CCSER1: variants seen among roughly 807,000 people sequenced by gnomAD.
CCSER1 encodes the protein serine-rich coiled-coil domain-containing protein 1.
Under a neutral mutation model 82.0 loss-of-function variants are expected in CCSER1, and 41 were observed. That is an observed-to-expected ratio of 0.50 (90% confidence interval 0.39 to 0.65). The LOEUF is 0.65. Ranked by LOEUF, CCSER1 falls within the 30% of genes least tolerant of loss-of-function variation. The pLI is 0.00. For synonymous variants in CCSER1, 414 were observed against 383.9 expected (o/e 1.08, Z -0.92); for missense variants, 1,119 against 1,064.2 (o/e 1.05, Z -0.72).
intron 10 of CCSER1, among the ~76,000 whole-genome samples, chr4:91,444,494 G>C (rs981622289): frequency 6.6e-6 from 1 of 151,194 alleles, no homozygotes; most frequent in African/African-American, 2.4e-5. Flanking sequence ...CTATCACCCA[G>C]GCTGGAGTGC....
At chr4:91,073,957 T>A (rs759135113) in intron 9 of CCSER1, among the ~76,000 whole-genome samples, 18 of 152,092 alleles carry the variant, frequency 1.2e-4, no homozygotes, top group African/African-American at 4.1e-4. Flanking sequence ...TTAAACAATA[T>A]CCTTATCATC....
chr4:91,412,076 G>A (rs1047270285), intron 10 of CCSER1, among the ~76,000 whole-genome samples: 2 of 152,040 alleles, frequency 1.3e-5, no homozygotes, highest in Non-Finnish European at 2.9e-5. Context: ...ACTTTGTAGG[G>A]GTATTGGGAT....
intron 10 of CCSER1, among the ~76,000 whole-genome samples, chr4:91,336,389 C>T (rs1345688817): frequency 6.6e-6 from 1 of 151,926 alleles, no homozygotes; most frequent in African/African-American, 2.4e-5. Context: ...CAATAAAGTC[C>T]CTTGTCTTTA....
chr4:91,003,656 G>C (rs1439676901), intron 9 of CCSER1, among the ~76,000 whole-genome samples: 1 of 152,144 alleles, frequency 6.6e-6, no homozygotes, highest in Non-Finnish European at 1.5e-5. Context: ...CCAGCTATGA[G>C]AGCAGTTAGG....
At chr4:91,552,767 A>G (rs182579430) in intron 10 of CCSER1, among the ~76,000 whole-genome samples, 1 of 149,900 alleles carries the variant, frequency 6.7e-6, no homozygotes, top group East Asian at 1.9e-4. Context: ...TAATTCTAAC[A>G]ATTTTCTTGG....
intron 10 of CCSER1, among the ~76,000 whole-genome samples, chr4:91,298,135 ATACAG>A (rs1744364244): frequency 6.6e-6 from 1 of 151,980 alleles, no homozygotes; most frequent in African/African-American, 2.4e-5. Context: ...TGATTATGAG[ATACAG>A]TAAAGGGGCT....
At chr4:90,737,202 G>A (rs1028837015) in intron 7 of CCSER1, among the ~76,000 whole-genome samples, 1 of 152,110 alleles carries the variant, frequency 6.6e-6, no homozygotes, top group African/African-American at 2.4e-5. Context: ...ACTATTGCCA[G>A]TGAGTTTTGT....
At chr4:91,349,765 C>A (rs576367732) in intron 10 of CCSER1, among the ~76,000 whole-genome samples, 32 of 142,082 alleles carry the variant, frequency 2.3e-4, no homozygotes, top group Non-Finnish European at 4.0e-4. Context: ...GTAGGAGGTA[C>A]ATTTCATGAA....
At chr4:90,454,892 A>G (rs141710538) in intron 4 of CCSER1, among the ~76,000 whole-genome samples, 317 of 152,286 alleles carry the variant, frequency 2.1e-3, no homozygotes, top group African/African-American at 7.5e-3. Context: ...TTGGACCTTA[A>G]TGAGACTATA....
At position 91,435,252 on chromosome 4, in the gene CCSER1, C is replaced by T. The variant is rs546056237; in HGVS notation, c.2218-163320C>T. ...TCCTGGAGTTTGAGACCAGCGTAGA[C>T]AAGATGATGAAACTCTGTCTCTACA... On this transcript the variant is annotated intron_variant, in intron 10 of 10. Coordinates refer to ENST00000509176, the MANE Select transcript of CCSER1 (RefSeq NM_001145065.2). Among the ~76,000 whole-genome samples, 10 of 152,102 alleles carry T rather than the reference C, an allele frequency of 6.6e-5. No homozygotes were observed. The South Asian group carries it at 2.1e-3, about 32-fold the overall frequency.
At chr4:90,785,511 A>G (rs1367560301) in intron 7 of CCSER1, among the ~76,000 whole-genome samples, 5 of 152,198 alleles carry the variant, frequency 3.3e-5, no homozygotes, top group Admixed American at 6.5e-5. Flanking sequence ...AGAAAAGTCT[A>G]TTACTTTCAA....
chr4:90,491,624 G>T (rs917056767), intron 5 of CCSER1, among the ~76,000 whole-genome samples: 4 of 152,080 alleles, frequency 2.6e-5, no homozygotes, highest in African/African-American at 9.7e-5. Context: ...TCCAGTTTTT[G>T]GCCATTCAGT....
chr4:90,815,949 C>G, intron 8 of CCSER1, 104 bp downstream of exon 8: 1 of 653,642 alleles, frequency 1.5e-6, no homozygotes, highest in African/African-American at 1.8e-5. Context: ...TTTGTAAATC[C>G]TTCCAGTGGT....
chr4:91,339,897 T>C (rs1747594659), intron 10 of CCSER1, among the ~76,000 whole-genome samples: 1 of 152,076 alleles, frequency 6.6e-6, no homozygotes, highest in Non-Finnish European at 1.5e-5. Context: ...AGCAGGCAGA[T>C]CACGAGGTCA....
At chr4:90,782,029 C>T in intron 7 of CCSER1, 1 of 781,110 alleles carries the variant, frequency 1.3e-6, no homozygotes, top group Non-Finnish European at 1.6e-6. Flanking sequence ...AGATTTAGTA[C>T]TGTGAAAGGC....
intron 1 of CCSER1, among the ~76,000 whole-genome samples, chr4:90,200,016 C>T (rs1232500554): frequency 6.6e-6 from 1 of 151,642 alleles, no homozygotes; most frequent in East Asian, 1.9e-4. Context: ...TTCCTCGATC[C>T]CCTACCCTGG....
rs1308619375 is a variant in CCSER1, at chr4:90,932,950, G to GA, written c.2172+9506dup. 6.3e-5 allele frequency among the ~76,000 whole-genome samples: 2 copies of GA among 31,970 alleles called. 1 individual carries two copies. Among genetic ancestry groups the GA allele is most frequent in the African/African-American group, 4.6e-4 (2 of 4,334 alleles). 21.0% of individuals were successfully genotyped at this position (31,970 alleles called of 152,430 possible). A position where few individuals can be genotyped will look rare whatever the true frequency, so the allele number is the denominator to read the frequency against. On this transcript the variant is annotated intron_variant, in intron 9 of 10. Coordinates refer to ENST00000509176, the MANE Select transcript of CCSER1 (RefSeq NM_001145065.2). ...AGAAAGAAAGAAAGAAAGAAAGAAA[G>GA]AAAGAAAGAAAGAAAGAAAGAAAGA...
chr4:90,403,281 C>T (rs1753165944), intron 4 of CCSER1, among the ~76,000 whole-genome samples: 3 of 151,890 alleles, frequency 2.0e-5, no homozygotes, highest in South Asian at 2.1e-4. Context: ...GGGTGGATCA[C>T]GAGGTCAGGA....
intron 10 of CCSER1, among the ~76,000 whole-genome samples, chr4:91,212,523 G>T (rs1273289187): frequency 1.3e-5 from 2 of 151,944 alleles, no homozygotes; most frequent in Non-Finnish European, 2.9e-5. Flanking sequence ...CCTGTGTCTG[G>T]GAATTCAAAA....
Sources: allele counts gnomAD v4.1 joint callset (sites outside exome capture counted in the v4.1 genomes callset), GRCh38; gene constraint gnomAD v4.1.1; transcripts MANE v1.5; gene names NCBI Gene and HGNC (gene_info 2026-07-23, HGNC 2026-07-21).